NXPH1: variants seen among roughly 807,000 people sequenced by gnomAD.
NXPH1 encodes the protein neurexophilin-1.
A neutral mutation model predicts 23.7 loss-of-function variants in NXPH1; 5 were observed. That is an observed-to-expected ratio of 0.21 (90% CI 0.11 to 0.44). The LOEUF is 0.44. Among genes scored for constraint, NXPH1 ranks in the 20% least tolerant of loss-of-function variants. The pLI, the probability that NXPH1 is intolerant of heterozygous loss-of-function variation, is 0.99. For missense variants in NXPH1, 324 were observed against 321.6 expected, an observed-to-expected ratio of 1.01 and a Z score of -0.06; for synonymous variants, 144 against 122.2, an observed-to-expected ratio of 1.18 and a Z score of -1.18.
intron 2 of NXPH1, among the ~76,000 whole-genome samples, chr7:8,715,081 T>A (rs1779855449): frequency 6.6e-6 from 1 of 152,180 alleles, no homozygotes; most frequent in African/African-American, 2.4e-5. Flanking sequence ...CAGAGCACTT[T>A]AGTCTGTGGT....
rs562891753 is a variant in NXPH1, at chr7:8,530,325, G to C, written c.54+94558G>C. ...CTTTTCCAATATTGAGACCTAAAAA[G>C]CAACGTGTTAGAATACAAAGAACAT... On this transcript the variant is annotated intron_variant, in intron 2 of 2. Transcript: ENST00000405863. Among the ~76,000 whole-genome samples, 7 of 152,270 alleles carry C rather than the reference G, an allele frequency of 4.6e-5. No homozygotes were observed. The East Asian group carries it at 1.4e-3, about 29-fold the overall frequency.
intron 2 of NXPH1, among the ~76,000 whole-genome samples, chr7:8,600,274 C>T (rs1406934182): frequency 6.6e-6 from 1 of 152,116 alleles, no homozygotes; most frequent in African/African-American, 2.4e-5. Context: ...TTGAGAGGAA[C>T]CATGTAAAAA....
chr7:8,625,368 C>G (rs554387553), intron 2 of NXPH1, among the ~76,000 whole-genome samples: 125 of 152,226 alleles, frequency 8.2e-4, no homozygotes, highest in Non-Finnish European at 1.4e-3. Flanking sequence ...AAGATCAACT[C>G]AAATTCTGAA....
chr7:8,575,472 T>C (rs367823659), intron 2 of NXPH1, among the ~76,000 whole-genome samples: 1 of 152,172 alleles, frequency 6.6e-6, no homozygotes, highest in Non-Finnish European at 1.5e-5. Flanking sequence ...TTTCAATGAA[T>C]AGAAAGCATA....
chr7:8,658,992 T>C lies in NXPH1; in HGVS notation c.55-92016T>C, dbSNP rs1034857559. Among the ~76,000 whole-genome samples the C allele has an allele frequency of 4.1e-5, 3 of 74,032 alleles. 1 individual carries two copies. Among genetic ancestry groups the C allele is most frequent in the African/African-American group, 1.2e-4 (3 of 24,212 alleles). The allele number at this position is 74,032 out of a possible 152,430, so 48.6% of individuals were successfully genotyped here. ...GGGAAAGCTGGCATAAGAATATGTA[T>C]ATATATATATATATTTTTTTTTTTT... On this transcript the variant is annotated intron_variant, in intron 2 of 2. Transcript: ENST00000405863.
chr7:8,729,230 T>G (rs1471657951), intron 2 of NXPH1, among the ~76,000 whole-genome samples: 1 of 150,808 alleles, frequency 6.6e-6, no homozygotes, highest in African/African-American at 2.5e-5. Context: ...TCTTCTCTCT[T>G]TTTTTCTTTC....
intron 2 of NXPH1, among the ~76,000 whole-genome samples, chr7:8,744,404 T>TTTTG (rs935627574): frequency 3.9e-5 from 6 of 152,176 alleles, no homozygotes; most frequent in South Asian, 2.1e-4. Flanking sequence ...TGCTTTGGTT[T>TTTTG]TTTGTTTGTT....
At chr7:8,495,180 G>A (rs979223359) in intron 2 of NXPH1, among the ~76,000 whole-genome samples, 5 of 151,858 alleles carry the variant, frequency 3.3e-5, no homozygotes, top group African/African-American at 1.2e-4. Flanking sequence ...TTGTAGGGCA[G>A]GTTGGTAGCC....
chr7:8,740,681 T>C (rs942538431), intron 2 of NXPH1, among the ~76,000 whole-genome samples: 7 of 152,160 alleles, frequency 4.6e-5, no homozygotes, highest in Non-Finnish European at 8.8e-5. Flanking sequence ...AAGGAAATGA[T>C]GTACCTTTTT....
chr7:8,662,716 T>C (rs1820697380), intron 2 of NXPH1, among the ~76,000 whole-genome samples: 1 of 152,002 alleles, frequency 6.6e-6, no homozygotes, highest in African/African-American at 2.4e-5. Flanking sequence ...GCTGGCTGAC[T>C]TCAGGTTCAA....
chr7:8,751,965 T>C lies in NXPH1; in HGVS notation c.*196T>C. 1.8e-6 allele frequency: 1 copy of C among 562,656 alleles called. No individual in the cohort carries two copies. The highest frequency in any genetic ancestry group is 2.6e-5 in the South Asian group (1 of 39,190). The allele number at this position is 562,656 out of a possible 1,614,324, so 34.9% of individuals were successfully genotyped here. On this transcript the variant is annotated 3_prime_UTR_variant, in exon 3 of 3. Coordinates refer to ENST00000405863, the MANE Select transcript of NXPH1 (RefSeq NM_152745.3). The surrounding 1 kb of genome is among the most constrained non-coding windows in gnomAD (Gnocchi z 4.5). ...AGTCAGCTTCATCCCTCAGTATAAT[T>C]GTAAATCATCACAGATTTTGAATTC...
intron 2 of NXPH1, among the ~76,000 whole-genome samples, chr7:8,634,519 T>G (rs1196004617): frequency 1.3e-5 from 2 of 152,182 alleles, no homozygotes; most frequent in African/African-American, 4.8e-5. Context: ...ATAAGGTTTG[T>G]TTTGTTTTGC....
At chr7:8,578,126 C>T (rs1459261386) in intron 2 of NXPH1, among the ~76,000 whole-genome samples, 2 of 152,194 alleles carry the variant, frequency 1.3e-5, no homozygotes, top group African/African-American at 2.4e-5. Flanking sequence ...TGTTACACTG[C>T]AGTAGACTCC....
chr7:8,504,862 A>G (rs534327652), intron 2 of NXPH1, among the ~76,000 whole-genome samples: 7 of 152,236 alleles, frequency 4.6e-5, no homozygotes, highest in Middle Eastern at 3.4e-3. Flanking sequence ...GATCCTCACC[A>G]GACACCGGAT....
At chr7:8,620,774 T>C (rs1819851471) in intron 2 of NXPH1, among the ~76,000 whole-genome samples, 1 of 152,220 alleles carries the variant, frequency 6.6e-6, no homozygotes, top group Admixed American at 6.5e-5. Flanking sequence ...AAAAATCATC[T>C]GTATTCTTTC....
At chr7:8,453,827 T>G (rs1816547150) in intron 2 of NXPH1, among the ~76,000 whole-genome samples, 1 of 152,130 alleles carries the variant, frequency 6.6e-6, no homozygotes, top group Non-Finnish European at 1.5e-5. Context: ...TATCATTGAT[T>G]GGGCATTTAG....
intron 2 of NXPH1, among the ~76,000 whole-genome samples, chr7:8,636,940 A>G (rs1266577214): frequency 2.6e-5 from 4 of 152,194 alleles, no homozygotes; most frequent in African/African-American, 4.8e-5. Flanking sequence ...TTGGTCTTCC[A>G]GTTCTAGATC....
chr7:8,738,465 A>C (rs1042943155), intron 2 of NXPH1, among the ~76,000 whole-genome samples: 1 of 152,160 alleles, frequency 6.6e-6, no homozygotes, highest in African/African-American at 2.4e-5. Flanking sequence ...GCAGAACAGC[A>C]AAGATTGCTG....
chr7:8,439,489 T>C (rs374111341), intron 2 of NXPH1, among the ~76,000 whole-genome samples: 1 of 152,246 alleles, frequency 6.6e-6, no homozygotes, highest in Admixed American at 6.5e-5. Context: ...CGACAAGGCA[T>C]TGTATAAAGT....
Sources: allele counts gnomAD v4.1 joint callset (sites outside exome capture counted in the v4.1 genomes callset), GRCh38; gene constraint gnomAD v4.1.1; non-coding constraint Gnocchi (gnomAD v3.1); transcripts MANE v1.5; gene names NCBI Gene and HGNC (gene_info 2026-07-23, HGNC 2026-07-21).